DLGAP2: variants seen among roughly 807,000 people sequenced by gnomAD.
The protein encoded by DLGAP2 is disks large-associated protein 2.
Under a neutral mutation model 100.3 loss-of-function variants are expected in DLGAP2, and 26 were observed. The ratio of observed to expected loss-of-function variants is 0.26; its 90% CI spans 0.19 to 0.36. The LOEUF (loss-of-function observed/expected upper bound fraction) is 0.36. DLGAP2 is among the 10% of genes least tolerant of loss of function. The probability of loss-of-function intolerance (pLI) is 1.00; values close to 1 mark genes in which losing one functional copy is unlikely to be tolerated. For synonymous variants in DLGAP2, 886 were observed against 630.1 expected, an observed-to-expected ratio of 1.41 and a Z score of -6.08; for missense variants, 1,858 against 1,453.2, an observed-to-expected ratio of 1.28 and a Z score of -4.53.
At chr8:1,627,973 ACTTACT>A in intron 7 of DLGAP2, among the ~76,000 whole-genome samples, 2 of 139,002 alleles carry the variant, frequency 1.4e-5, no homozygotes, top group African/African-American at 5.9e-5. Flanking sequence ...ATTCTCTCTG[ACTTACT>A]GTGGAGCAGG....
intron 2 of DLGAP2, among the ~76,000 whole-genome samples, chr8:1,184,646 C>T (rs1797461102): frequency 6.6e-6 from 1 of 152,272 alleles, no homozygotes; most frequent in African/African-American, 2.4e-5. Context: ...AGGTCGTTTT[C>T]AGCAGGCAGC....
chr8:1,270,299 C>G (rs1010659427), intron 3 of DLGAP2, among the ~76,000 whole-genome samples: 13 of 152,178 alleles, frequency 8.5e-5, no homozygotes, highest in African/African-American at 3.1e-4. Context: ...CCTGGAGCAA[C>G]AGCTCTGAAA....
chr8:1,441,846 G>C (rs1379558643), intron 3 of DLGAP2, among the ~76,000 whole-genome samples: 2 of 151,398 alleles, frequency 1.3e-5, no homozygotes, highest in South Asian at 4.2e-4. Context: ...GGACATGCAG[G>C]TTTGTTACGT....
At chr8:1,305,597 C>T (rs1585242440) in intron 3 of DLGAP2, among the ~76,000 whole-genome samples, 4 of 152,290 alleles carry the variant, frequency 2.6e-5, no homozygotes, top group South Asian at 4.1e-4. Context: ...AAGGACATTG[C>T]TTGAAACACT....
chr8:1,225,552 C>T (rs781305952), intron 2 of DLGAP2, among the ~76,000 whole-genome samples: 4 of 152,146 alleles, frequency 2.6e-5, no homozygotes, highest in Admixed American at 6.5e-5. Flanking sequence ...ACATGGATCC[C>T]GTCAAAATGG....
In DLGAP2 at chr8:1,549,302, C is replaced by G; in HGVS notation, c.849C>G (p.Arg283=). The G allele has an allele frequency of 6.2e-7, 1 of 1,612,572 alleles. No homozygotes were observed. The highest frequency in any genetic ancestry group is 8.5e-7 in the Non-Finnish European group (1 of 1,179,678). Residue 283 remains arginine (R), a synonymous_variant, in exon 5 of 15, where the codon CGC becomes CGG. Transcript: ENST00000637795. The part of the protein sequence containing the change: ...KHSKRSKSKE[R]KPEGKPRPGM... ...GCAAGAGGAGCAAGAGCAAGGAGCG[C>G]AAGCCGGAGGGCAAGCCCCGGCCCG... is the stretch of plus-strand genomic sequence containing the variant.
At chr8:895,734 G>A (rs1255231652) in intron 1 of DLGAP2, among the ~76,000 whole-genome samples, 2 of 152,198 alleles carry the variant, frequency 1.3e-5, no homozygotes, top group Non-Finnish European at 2.9e-5. Flanking sequence ...TCAGGCTGCG[G>A]GAGGATGGTT....
chr8:1,549,556 G>T lies in DLGAP2; in HGVS notation c.1103G>T (p.Arg368Leu), dbSNP rs1423353722. 1 of 1,613,060 alleles carries T rather than the reference G, an allele frequency of 6.2e-7. No individual in the cohort carries two copies. The highest frequency in any genetic ancestry group is 1.3e-5 in the African/African-American group (1 of 74,928). The stretch of plus-strand genomic sequence containing the variant: ...ACGCCCGACGCCAAGTACCTGAAGC[G>T]CAGCTCCTGGTCTACGCTGACGGTC... ...ALTPDAKYLKRSSWSTLTVSQ... is the reference protein window; with the variant it reads ...ALTPDAKYLKLSSWSTLTVSQ... Residue 368 changes from arginine to leucine, a missense_variant, in exon 5 of 15, where the codon CGC becomes CTC. Physicochemically the swap from Arg to Leu is moderately radical, Grantham distance 102 (BLOSUM62 -2). Transcript: ENST00000637795.
At position 1,094,459 on chromosome 8, in the gene DLGAP2, T is replaced by G. The variant is rs549188031; in HGVS notation, c.74-164392T>G. On this transcript the variant is annotated intron_variant, in intron 2 of 14. Transcript: ENST00000637795. ...GAGAATGAATAATTAATTGTGTTTT[T>G]CTGGGTGAAGAAAAAGAAACAAAAA... 2.0e-5 allele frequency among the ~76,000 whole-genome samples: 3 copies of G among 152,296 alleles called. No homozygotes were observed. In the South Asian group the frequency reaches 6.2e-4, roughly 32 times the overall value.
At chr8:1,426,672 G>A (rs1797245598) in intron 3 of DLGAP2, among the ~76,000 whole-genome samples, 2 of 152,060 alleles carry the variant, frequency 1.3e-5, no homozygotes, top group South Asian at 4.1e-4. Context: ...AGAAAGATAG[G>A]AATCTACAAA....
At chr8:1,279,265 C>A (rs1034851788) in intron 3 of DLGAP2, among the ~76,000 whole-genome samples, 3 of 152,198 alleles carry the variant, frequency 2.0e-5, no homozygotes, top group Non-Finnish European at 4.4e-5. Flanking sequence ...TTCGTCAGTT[C>A]TTGATTCTAT....
intron 1 of DLGAP2, among the ~76,000 whole-genome samples, chr8:755,856 C>G (rs1312406390): frequency 6.6e-6 from 1 of 152,188 alleles, no homozygotes; most frequent in Admixed American, 6.5e-5. Context: ...AATTGACTGT[C>G]AGGGCTGTGC....
chr8:819,605 A>G (rs1179618045), intron 1 of DLGAP2, among the ~76,000 whole-genome samples: 2 of 152,246 alleles, frequency 1.3e-5, no homozygotes, highest in South Asian at 2.1e-4. Flanking sequence ...AACGTTGGGC[A>G]TGGAGAACAA....
intron 2 of DLGAP2, among the ~76,000 whole-genome samples, chr8:1,208,517 C>G (rs1015020776): frequency 7.9e-5 from 12 of 152,164 alleles, no homozygotes; most frequent in Non-Finnish European, 1.5e-5. Context: ...TAACAGCCAA[C>G]ATTATACTGA....
chr8:1,387,683 G>C (rs997414877), intron 3 of DLGAP2, among the ~76,000 whole-genome samples: 1 of 152,196 alleles, frequency 6.6e-6, no homozygotes, highest in Non-Finnish European at 1.5e-5. Flanking sequence ...TTGGGTCCTG[G>C]GTTTTGGGTT....
chr8:1,633,382 C>T (rs1797697504), intron 8 of DLGAP2, among the ~76,000 whole-genome samples: 1 of 152,124 alleles, frequency 6.6e-6, no homozygotes, highest in Non-Finnish European at 1.5e-5. Flanking sequence ...TAATGGATTG[C>T]AGTGAGATTT....
At chr8:961,040 T>A (rs11780702) in intron 2 of DLGAP2, among the ~76,000 whole-genome samples, 53,701 of 152,190 alleles carry the variant, frequency 0.35, 11,300 homozygotes, top group Admixed American at 0.52. Flanking sequence ...CAGACCCCCA[T>A]GTTGACACCA....
chr8:1,260,368 G>A (rs1585202304), intron 3 of DLGAP2, among the ~76,000 whole-genome samples: 2 of 152,100 alleles, frequency 1.3e-5, no homozygotes, highest in South Asian at 4.2e-4. Flanking sequence ...TGTAAATAGT[G>A]GTTTAAACAC....
chr8:1,531,349 A>G (rs1800985133), intron 4 of DLGAP2, among the ~76,000 whole-genome samples: 1 of 152,066 alleles, frequency 6.6e-6, no homozygotes, highest in Non-Finnish European at 1.5e-5. Context: ...GTATTCTCCT[A>G]GAATAAGTTT....
Sources: gnomAD v4.1 joint callset for allele counts (sites outside exome capture counted in the v4.1 genomes callset) on GRCh38, gnomAD v4.1.1 for gene constraint, MANE v1.5 for transcripts, NCBI Gene and HGNC (gene_info 2026-07-23, HGNC 2026-07-21) for gene names.